GABRG3: variants seen among roughly 807,000 people sequenced by gnomAD.
The protein encoded by GABRG3 is gamma-aminobutyric acid receptor subunit gamma-3.
A neutral mutation model predicts 48.8 loss-of-function variants in GABRG3; 25 were observed. The ratio of observed to expected loss-of-function variants is 0.51; its 90% CI spans 0.37 to 0.72. The LOEUF is 0.72. GABRG3 is among the 30% of genes least tolerant of loss of function. The pLI is 0.00. For synonymous variants in GABRG3, 227 were observed against 217.6 expected (o/e 1.04, Z -0.38); for missense variants, 394 against 577.9 (o/e 0.68, Z 3.26).
rs368600411 is a variant in GABRG3 at position 27,276,491 on chromosome 15, A to C, written c.271-50318A>C. Among the ~76,000 whole-genome samples the C allele has an allele frequency of 3.8e-3, 582 of 152,320 alleles. 2 individuals are homozygous for C. Among genetic ancestry groups the C allele is most frequent in the African/African-American group, 0.013 (545 of 41,566 alleles). ...TTCAGACTAGAATATTTCATGGATT[A>C]AATGAGATGCTGCCAAGCACCCAGA... On this transcript the variant is annotated intron_variant, in intron 3 of 9. Transcript: ENST00000615808.
intron 3 of GABRG3, among the ~76,000 whole-genome samples, chr15:27,249,437 G>A (rs1323186609): frequency 1.3e-5 from 2 of 152,192 alleles, no homozygotes; most frequent in Non-Finnish European, 2.9e-5. Flanking sequence ...TCCCAAATGA[G>A]ACCATCTCTG....
At chr15:27,433,355 A>G (rs993210135) in intron 5 of GABRG3, among the ~76,000 whole-genome samples, 10 of 152,224 alleles carry the variant, frequency 6.6e-5, no homozygotes, top group African/African-American at 1.9e-4. Flanking sequence ...TAAAATCAAC[A>G]TGTCAGGAAA....
At chr15:27,333,893 T>A (rs968657438) in intron 5 of GABRG3, among the ~76,000 whole-genome samples, 1 of 149,904 alleles carries the variant, frequency 6.7e-6, no homozygotes, top group South Asian at 2.1e-4. Context: ...ATGGAAAAAA[T>A]TAAATAAAAA....
intron 5 of GABRG3, among the ~76,000 whole-genome samples, chr15:27,479,600 T>C (rs552415946): frequency 3.3e-5 from 5 of 152,370 alleles, no homozygotes; most frequent in African/African-American, 1.2e-4. Context: ...ATTAATATGT[T>C]TGCATACATA....
intron 2 of GABRG3, among the ~76,000 whole-genome samples, chr15:27,003,176 TTTTTTA>T (rs1895487748): frequency 2.0e-5 from 3 of 149,738 alleles, no homozygotes; most frequent in Admixed American, 2.0e-4. Flanking sequence ...ATTTTTTATT[TTTTTTA>T]ATTTTGTATT....
At chr15:27,088,772 G>T (rs760028716) in intron 3 of GABRG3, among the ~76,000 whole-genome samples, 4 of 152,160 alleles carry the variant, frequency 2.6e-5, no homozygotes, top group Non-Finnish European at 5.9e-5. Flanking sequence ...CTCCCACCAG[G>T]CCCCTCACAA....
At chr15:27,395,205 A>G (rs1887263985) in intron 5 of GABRG3, among the ~76,000 whole-genome samples, 1 of 152,024 alleles carries the variant, frequency 6.6e-6, no homozygotes, top group African/African-American at 2.4e-5. Context: ...TAAAATTTAC[A>G]TTTCCCTGGT....
chr15:27,445,649 TTAA>T (rs1888922101), intron 5 of GABRG3, among the ~76,000 whole-genome samples: 1 of 152,348 alleles, frequency 6.6e-6, no homozygotes, highest in East Asian at 1.9e-4. Context: ...TTTCTCTTTC[TTAA>T]TGATAATTTT....
At chr15:27,340,481 C>A (rs28448357) in intron 5 of GABRG3, 56,491 of 152,084 alleles carry the variant, frequency 0.37, 10,748 homozygotes, top group Middle Eastern at 0.47. Flanking sequence ...TTGAGTTAAA[C>A]ATGCAACCAG....
At position 26,971,393 on chromosome 15, in the gene GABRG3, A is replaced by T; in HGVS notation, c.-143A>T. 1.9e-6 allele frequency: 1 copy of T among 524,618 alleles called. No homozygotes were observed. Among genetic ancestry groups the T allele is most frequent in the Non-Finnish European group, 2.9e-6 (1 of 339,056 alleles). 32.5% of individuals were successfully genotyped at this position (524,618 alleles called of 1,614,324 possible). On this transcript the variant is annotated 5_prime_UTR_variant, in exon 1 of 10. Coordinates refer to ENST00000615808, the MANE Select transcript of GABRG3 (RefSeq NM_033223.5). ...GCCCCGCGGGGGCGCGGCCAGCGCC[A>T]GAGTAGATACCTGTCCCGCCCGCCG... is the stretch of plus-strand genomic sequence containing the variant.
intron 5 of GABRG3, among the ~76,000 whole-genome samples, chr15:27,449,551 A>T (rs529588641): frequency 6.6e-6 from 1 of 152,370 alleles, no homozygotes; most frequent in South Asian, 2.1e-4. Flanking sequence ...AAAGAGTTTC[A>T]TTATTTTGAG....
chr15:27,092,010 T>C (rs1595519422), intron 3 of GABRG3, among the ~76,000 whole-genome samples: 2 of 152,228 alleles, frequency 1.3e-5, no homozygotes, highest in East Asian at 3.8e-4. Flanking sequence ...CAGAGGTCCC[T>C]GCTCCACCAC....
chr15:27,041,853 G>A (rs947620720), intron 3 of GABRG3, among the ~76,000 whole-genome samples: 11 of 152,232 alleles, frequency 7.2e-5, no homozygotes, highest in Admixed American at 2.6e-4. Flanking sequence ...CCAGGACTTC[G>A]GGTCCTGCAG....
At chr15:27,178,852 A>C (rs1047842595) in intron 3 of GABRG3, among the ~76,000 whole-genome samples, 1 of 152,214 alleles carries the variant, frequency 6.6e-6, no homozygotes, top group African/African-American at 2.4e-5. Flanking sequence ...ACAGTCAAAC[A>C]AAGTAGGGCA....
chr15:27,031,766 G>A (rs957542702), intron 3 of GABRG3, among the ~76,000 whole-genome samples: 3 of 152,136 alleles, frequency 2.0e-5, no homozygotes, highest in Admixed American at 1.3e-4. Flanking sequence ...TAGGGCCTGT[G>A]GAAGGTAAAT....
rs1322155233 is a variant in GABRG3, at chr15:27,523,555, G to A, written c.865+3431G>A. On this transcript the variant is annotated intron_variant, in intron 7 of 9. Transcript: ENST00000615808. ...CAAAATCAAGATGACACAGTTGTTA[G>A]AATTATCTGACTAGGATTTTAAAAT... Among the ~76,000 whole-genome samples the A allele has an allele frequency of 7.9e-5, 12 of 151,898 alleles. 1 individual carries two copies. In the South Asian group the frequency reaches 2.3e-3, roughly 29 times the overall value.
At chr15:27,181,597 C>T (rs965397956) in intron 3 of GABRG3, among the ~76,000 whole-genome samples, 1 of 152,196 alleles carries the variant, frequency 6.6e-6, no homozygotes, top group African/African-American at 2.4e-5. Flanking sequence ...TGACTCTACT[C>T]GTACATCCTG....
At chr15:27,106,750 G>A (rs1486290225) in intron 3 of GABRG3, among the ~76,000 whole-genome samples, 1 of 151,952 alleles carries the variant, frequency 6.6e-6, no homozygotes, top group Non-Finnish European at 1.5e-5. Context: ...ATCACTATAG[G>A]TCTGCAGCTA....
At chr15:26,979,549 A>G (rs1895014978) in intron 2 of GABRG3, among the ~76,000 whole-genome samples, 1 of 152,184 alleles carries the variant, frequency 6.6e-6, no homozygotes. Context: ...ATTAAAAAAA[A>G]GTTTCATGAT....
Sources: gnomAD v4.1 joint callset for allele counts (sites outside exome capture counted in the v4.1 genomes callset) on GRCh38, gnomAD v4.1.1 for gene constraint, MANE v1.5 for transcripts, NCBI Gene and HGNC (gene_info 2026-07-23, HGNC 2026-07-21) for gene names.